KIF1A: variants seen among roughly 807,000 people sequenced by gnomAD.
KIF1A encodes kinesin-like protein KIF1A.
In KIF1A, 46 loss-of-function variants were observed where a neutral mutation model predicts 227.3. The ratio of observed to expected loss-of-function variants is 0.20; its 90% CI spans 0.16 to 0.26. The LOEUF (loss-of-function observed/expected upper bound fraction) is 0.26. KIF1A is among the 10% of genes least tolerant of loss of function. KIF1A has a pLI of 1.00. For missense variants in KIF1A, 1,683 were observed against 2,485.9 expected (o/e 0.68, Z 6.87); for synonymous variants, 1,022 against 1,012.8 (o/e 1.01, Z -0.17).
At chr2:240,745,677 C>A in intron 31 of KIF1A, 61 bp downstream of exon 31, 1 of 1,568,592 alleles carries the variant, frequency 6.4e-7, no homozygotes, top group Non-Finnish European at 8.7e-7. Flanking sequence ...CACCCAGGCA[C>A]GGGAGCCTTG....
intron 46 of KIF1A, 132 bp from the exon 47 acceptor site, chr2:240,719,330 C>G: frequency 1.0e-6 from 1 of 999,266 alleles, no homozygotes; most frequent in Non-Finnish European, 1.4e-6. Context: ...TGGGTCGAGG[C>G]ATCGAAGGGC....
chr2:240,796,757 C>T (rs1373807099), intron 2 of KIF1A, among the ~76,000 whole-genome samples: 1 of 152,132 alleles, frequency 6.6e-6, no homozygotes, highest in African/African-American at 2.4e-5. Context: ...AGACAGAGGG[C>T]CCGAGCAGAG....
Position 240,719,860 on chromosome 2 carries a change from C to G in KIF1A, c.4935G>C (p.Lys1645Asn). Residue 1645 changes from lysine to asparagine, a missense_variant, in exon 46 of 49, where the codon AAG becomes AAC. Physicochemically the swap from Lys to Asn is moderately conservative, Grantham distance 94 (BLOSUM62 0). Coordinates refer to ENST00000498729, the MANE Select transcript of KIF1A (RefSeq NM_001244008.2). ...EPELLPEADS[K>N]KLPSPARATE... ...TTGCCCGGGCAGGGGAAGGGAGCTT[C>G]TTGGAGTCGGCCTCTGGCAGCAGCT... 6.2e-7 allele frequency: 1 copy of G among 1,612,176 alleles called. No homozygotes were observed. Among genetic ancestry groups the G allele is most frequent in the Non-Finnish European group, 8.5e-7 (1 of 1,179,476 alleles).
chr2:240,717,233 G>A lies in KIF1A; in HGVS notation c.*131C>T. On this transcript the variant is annotated 3_prime_UTR_variant, in exon 49 of 49. Transcript: ENST00000498729. Reference sequence around the variant, plus strand: ...GGCACAGGTCCCCGGGCCTGGCATGGGCGTCCCCTGGGGGGTCGACCCGGT... The same window carrying A: ...GGCACAGGTCCCCGGGCCTGGCATGAGCGTCCCCTGGGGGGTCGACCCGGT... The A allele has an allele frequency of 1.2e-6, 1 of 813,498 alleles. No homozygotes were observed. The allele number at this position is 813,498 out of a possible 1,614,324, so 50.4% of individuals were successfully genotyped here.
upstream of KIF1A, among the ~76,000 whole-genome samples, chr2:240,820,930 T>G (rs1256969647): frequency 6.7e-6 from 1 of 149,550 alleles, no homozygotes; most frequent in African/African-American, 2.5e-5. This position sits in a 1 kb window ranked among gnomAD's most constrained non-coding sequence, Gnocchi z 6.2. Flanking sequence ...GCCTGTCCAG[T>G]TTAACTTCCT....
Position 240,717,385 on chromosome 2 carries a change from C to T in KIF1A, c.5355G>A (p.Arg1785=), listed in dbSNP as rs779509876. Residue 1785 remains arginine (R), a synonymous_variant, in exon 49 of 49, where the codon AGG becomes AGA. Transcript: ENST00000498729. ...GTIRSKLSRR[R]SAQMRV ...AGGTTCAGACCCGCATCTGGGCAGA[C>T]CTCCTTCTGGAGAGCTTGGACCTGC... 15 of 1,611,766 alleles carry T rather than the reference C, an allele frequency of 9.3e-6. No homozygotes were observed. Among genetic ancestry groups the T allele is most frequent in the Non-Finnish European group, 1.0e-5 (12 of 1,179,538 alleles).
rs2051128013 is a variant in KIF1A, at chr2:240,766,027, C to T, written c.1685-234G>A. 6.6e-6 allele frequency among the ~76,000 whole-genome samples: 1 copy of T among 152,258 alleles called. No homozygotes were observed. Among genetic ancestry groups the T allele is most frequent in the African/African-American group, 2.4e-5 (1 of 41,474 alleles). Reference sequence around the variant, plus strand: ...CCCAGAAGGAGGATGCATGTGCCCACGTTGAAGCCAAGAGGCTGTGCTGGG... The same window carrying T: ...CCCAGAAGGAGGATGCATGTGCCCATGTTGAAGCCAAGAGGCTGTGCTGGG... On this transcript the variant is annotated intron_variant, in intron 19 of 48. Transcript: ENST00000498729. This position sits in a 1 kb window ranked among gnomAD's most constrained non-coding sequence, Gnocchi z 5.0.
Position 240,790,668 on chromosome 2 carries a change from C to T in KIF1A, c.107-1356G>A, listed in dbSNP as rs372033212. Among the ~76,000 whole-genome samples the T allele has an allele frequency of 2.0e-5, 3 of 152,062 alleles. No homozygotes were observed. The highest frequency in any genetic ancestry group is 2.1e-4 in the South Asian group (1 of 4,816). ...AAGATGAGGTCCTACTCCATGAAGA[C>T]GGGCCCTAATCTAGTGCTGCCATGT... On this transcript the variant is annotated intron_variant, in intron 2 of 48. Transcript: ENST00000498729. The surrounding 1 kb of genome is among the most constrained non-coding windows in gnomAD (Gnocchi z 5.0).
chr2:240,797,361 G>A (rs1222446366), intron 2 of KIF1A, among the ~76,000 whole-genome samples: 1 of 152,202 alleles, frequency 6.6e-6, no homozygotes, highest in Non-Finnish European at 1.5e-5. Context: ...CCCCGGAGAA[G>A]GCAGGAAAGG....
rs563791274 is a variant in KIF1A at position 240,747,370 on chromosome 2, G to A, written c.2978-49C>T. 203 of 1,504,654 alleles carry A rather than the reference G, an allele frequency of 1.3e-4. 3 individuals carry two copies. The South Asian group carries it at 1.8e-3, about 13-fold the overall frequency. The allele number at this position is 1,504,654 out of a possible 1,614,324, so 93.2% of individuals were successfully genotyped here. On this transcript the variant is annotated intron_variant, in intron 28 of 48. Transcript: ENST00000498729. ...GTTGGAGCCCAGCTTGTCCCCTGAG[G>A]TGGGTGTGGGCAGAGCCAGGCTGGG...
At chr2:240,805,097 GGAGAGGGGAGGGAGGGAGA>G (rs2057295882) in intron 1 of KIF1A, among the ~76,000 whole-genome samples, 1 of 75,008 alleles carries the variant, frequency 1.3e-5, no homozygotes, top group African/African-American at 5.7e-5. Context: ...GAGAGGGGAG[GGAGAGGGGAGGGAGGGAGA>G]GGGGAGGGAG....
In KIF1A at chr2:240,721,053, C is replaced by A. The variant is rs775861140; in HGVS notation, c.4744-15G>T. On this transcript the variant is annotated splice_polypyrimidine_tract_variant and intron_variant, in intron 44 of 48. Coordinates refer to ENST00000498729, the MANE Select transcript of KIF1A (RefSeq NM_001244008.2). ...ATCTCGGAGAGCTGCGGAGGAGAGG[C>A]CTTTTTCAGGGGACACAGGGAAGGG... 8 of 1,611,236 alleles carry A rather than the reference C, an allele frequency of 5.0e-6. No individual in the cohort carries two copies. In the African/African-American group the frequency reaches 9.3e-5, roughly 19 times the overall value.
intron 42 of KIF1A, among the ~76,000 whole-genome samples, chr2:240,723,165 C>T (rs1022829749): frequency 1.4e-4 from 21 of 152,330 alleles, no homozygotes; most frequent in South Asian, 2.1e-4. Flanking sequence ...TCTATATGCC[C>T]GATAGTCTTC....
chr2:240,795,273 C>T (rs1220477150), intron 2 of KIF1A, among the ~76,000 whole-genome samples: 5 of 152,166 alleles, frequency 3.3e-5, no homozygotes, highest in Non-Finnish European at 7.4e-5. Flanking sequence ...CCCAGAACTC[C>T]AATGTCTTCA....
At chr2:240,731,247 G>A (rs902891269) in intron 38 of KIF1A, among the ~76,000 whole-genome samples, 12 of 152,152 alleles carry the variant, frequency 7.9e-5, no homozygotes, top group African/African-American at 2.9e-4. Context: ...GGGCTAGGAT[G>A]GTGGGCATGC....
At chr2:240,737,453 C>T (rs769747719) in intron 37 of KIF1A, 5 of 223,792 alleles carry the variant, frequency 2.2e-5, no homozygotes, top group African/African-American at 6.7e-5. Context: ...TGGAAACCAC[C>T]GGCCTTCCTG....
At chr2:240,812,198 G>A (rs948683329) in intron 1 of KIF1A, among the ~76,000 whole-genome samples, 1 of 152,222 alleles carries the variant, frequency 6.6e-6, no homozygotes, top group African/African-American at 2.4e-5. Context: ...ACCATTTCAG[G>A]TTCCTGCCTC....
Position 240,726,297 on chromosome 2 carries a change from G to A in KIF1A, c.4122+529C>T, listed in dbSNP as rs1323775474. Reference sequence around the variant, plus strand: ...CAACACCCACACACTAAGTATGGTAGAGTGAGTTAACTGCCATTAAAAGCA... The same window carrying A: ...CAACACCCACACACTAAGTATGGTAAAGTGAGTTAACTGCCATTAAAAGCA... On this transcript the variant is annotated intron_variant, in intron 39 of 48. Coordinates refer to ENST00000498729, the MANE Select transcript of KIF1A (RefSeq NM_001244008.2). This position sits in a 1 kb window ranked among gnomAD's most constrained non-coding sequence, Gnocchi z 5.2. Among the ~76,000 whole-genome samples, 2 of 152,208 alleles carry A rather than the reference G, an allele frequency of 1.3e-5. No homozygotes were observed. Among genetic ancestry groups the A allele is most frequent in the Non-Finnish European group, 2.9e-5 (2 of 68,044 alleles).
At position 240,797,588 on chromosome 2, in the gene KIF1A, AG is replaced by A. The variant is rs2056542850; in HGVS notation, c.106+58del. On this transcript the variant is annotated intron_variant, in intron 2 of 48. Transcript: ENST00000498729. ...ACTGCTGAGCCTGGCCCATAGGCAC[AG>A]GACCATGGCCCCCAGCAACCCATGG... 1.6e-5 allele frequency: 19 copies of A among 1,221,938 alleles called. No homozygotes were observed. The East Asian group carries it at 4.6e-4, about 29-fold the overall frequency. 75.7% of individuals were successfully genotyped at this position (1,221,938 alleles called of 1,614,324 possible).
Sources: allele counts gnomAD v4.1 joint callset (sites outside exome capture counted in the v4.1 genomes callset), GRCh38; gene constraint gnomAD v4.1.1; non-coding constraint Gnocchi (gnomAD v3.1); transcripts MANE v1.5; gene names NCBI Gene and HGNC (gene_info 2026-07-23, HGNC 2026-07-21).